The following RBM15B variants were observed in gnomAD, a reference collection of about 807,000 sequenced individuals.
The protein encoded by RBM15B is putative RNA-binding protein 15B.
Under a neutral mutation model 53.3 loss-of-function variants are expected in RBM15B, and 11 were observed. That is an observed-to-expected ratio of 0.21 (90% CI 0.13 to 0.34). The LOEUF (loss-of-function observed/expected upper bound fraction) is 0.34, where lower values mean the gene tolerates loss of function less well. Among genes scored for constraint, RBM15B ranks in the 10% least tolerant of loss-of-function variants. The pLI is 1.00. For synonymous variants in RBM15B, 631 were observed against 540.7 expected, an observed-to-expected ratio of 1.17 and a Z score of -2.32; for missense variants, 1,136 against 1,250.3, an observed-to-expected ratio of 0.91 and a Z score of 1.38.
Position 51,391,861 on chromosome 3 carries a change from C to T in RBM15B, c.462C>T (p.His154=), listed in dbSNP as rs1170983549. ...TGAGCCCCGCGCTGCCCGCCGAGCA[C>T]CTCGAGGACCGGCTCTTCCACCAGT... ...SSLSPALPAE[H]LEDRLFHQFK... is the part of the protein sequence containing the mutation. The change falls in exon 1 of 1, where the codon CAC becomes CAT. Residue 154 remains histidine, a synonymous_variant. Coordinates refer to ENST00000563281, the MANE Select transcript of RBM15B (RefSeq NM_013286.5). The surrounding 1 kb of genome is among the most constrained non-coding windows in gnomAD (Gnocchi z 4.5). 2 of 1,603,478 alleles carry T rather than the reference C, an allele frequency of 1.2e-6. No homozygotes were observed. The highest frequency in any genetic ancestry group is 1.7e-5 in the Admixed American group (1 of 59,972).
In RBM15B at chr3:51,391,855, C is replaced by G. The variant is rs201528516; in HGVS notation, c.456C>G (p.Ala152=). ...GCAGCTTGAGCCCCGCGCTGCCCGC[C>G]GAGCACCTCGAGGACCGGCTCTTCC... The part of the protein sequence containing the change: ...LISSLSPALP[A]EHLEDRLFHQ... The change falls in exon 1 of 1, where the codon GCC becomes GCG. Residue 152 remains alanine, a synonymous_variant. Transcript: ENST00000563281. This position sits in a 1 kb window ranked among gnomAD's most constrained non-coding sequence, Gnocchi z 4.5. 1.4e-4 allele frequency: 228 copies of G among 1,603,358 alleles called. No individual in the cohort carries two copies. The highest frequency in any genetic ancestry group is 9.9e-4 in the Middle Eastern group (6 of 6,056).
Position 51,397,219 on chromosome 3 carries a change from T to C in RBM15B, c.*3147T>C, listed in dbSNP as rs375227755. ...CAAAATCAAAGGAAGAAAGAGACTA[T>C]GGTCTTCTATTTATTGTGGGAAGGA... is the stretch of plus-strand genomic sequence containing the variant. On this transcript the variant is annotated 3_prime_UTR_variant, in exon 1 of 1. Transcript: ENST00000563281. The C allele has an allele frequency of 1.2e-5, 2 of 167,298 alleles. No individual in the cohort carries two copies. The highest frequency in any genetic ancestry group is 1.9e-4 in the East Asian group (1 of 5,200). The allele number at this position is 167,298 out of a possible 1,614,324, so 10.4% of individuals were successfully genotyped here. A position where few individuals can be genotyped will look rare whatever the true frequency, so the allele number is the denominator to read the frequency against.
Position 51,393,150 on chromosome 3 carries a change from G to A in RBM15B, c.1751G>A (p.Arg584His), listed in dbSNP as rs137973487. 141 of 1,614,036 alleles carry A rather than the reference G, an allele frequency of 8.7e-5. No homozygotes were observed. The highest frequency in any genetic ancestry group is 1.3e-4 in the Admixed American group (8 of 60,028). ...GAGCGTTGGGGGGCAGATGGAGACC[G>A]TGGTTTGCCCAAGCCCTGGGAAGAG... ...SGERWGADGDRGLPKPWEERR... is the reference protein window; with the variant it reads ...SGERWGADGDHGLPKPWEERR... The change falls in exon 1 of 1, where the codon CGT (arginine) becomes CAT (histidine). Residue 584 changes from arginine (R) to histidine (H), a missense_variant. Transcript: ENST00000563281. This position sits in a 1 kb window ranked among gnomAD's most constrained non-coding sequence, Gnocchi z 5.6.
In RBM15B at chr3:51,395,577, TGAG is replaced by T. The variant is rs1258093536; in HGVS notation, c.*1509_*1511del. ...TTCAAACAGGGAACACTGTCAGGGC[TGAG>T]GAGAACAGAAGCTCTGGTAAGCGAA... On this transcript the variant is annotated 3_prime_UTR_variant, in exon 1 of 1. Transcript: ENST00000563281. 4 of 394,638 alleles carry T rather than the reference TGAG, an allele frequency of 1.0e-5. No homozygotes were observed. Among genetic ancestry groups the T allele is most frequent in the Admixed American group, 4.5e-5 (1 of 22,070 alleles). The allele number at this position is 394,638 out of a possible 1,614,324, so 24.4% of individuals were successfully genotyped here.
Position 51,397,358 on chromosome 3 carries a change from C to T in RBM15B, c.*3286C>T, listed in dbSNP as rs1013999897. ...GGCCTCTGAAGTATCTTTCTACAAA[C>T]GCAGACAAGCTCCACTACCCCTAAC... On this transcript the variant is annotated 3_prime_UTR_variant, in exon 1 of 1. Transcript: ENST00000563281. 3.0e-5 allele frequency: 5 copies of T among 167,070 alleles called. No individual in the cohort carries two copies. The highest frequency in any genetic ancestry group is 6.5e-5 in the Admixed American group (1 of 15,284). The allele number at this position is 167,070 out of a possible 1,614,324, so 10.3% of individuals were successfully genotyped here.
In RBM15B at chr3:51,393,280, C is replaced by A. The variant is rs142046709; in HGVS notation, c.1881C>A (p.Gly627=). 1,349 of 1,611,508 alleles carry A rather than the reference C, an allele frequency of 8.4e-4. 9 individuals are homozygous for A. The African/African-American group carries it at 0.016, about 19-fold the overall frequency. ...GCAGTGGGCAGCAGTCAGAGCGGGG[C>A]TCCGACCGCACCCCTGAGCGCAGCC... ...TKGSGQQSER[G]SDRTPERSRK... The change falls in exon 1 of 1, where the codon GGC becomes GGA. Residue 627 remains glycine, a synonymous_variant. Coordinates refer to ENST00000563281, the MANE Select transcript of RBM15B (RefSeq NM_013286.5). The surrounding 1 kb of genome is among the most constrained non-coding windows in gnomAD (Gnocchi z 5.6).
At position 51,392,138 on chromosome 3, in the gene RBM15B, G is replaced by C. The variant is rs1354983611; in HGVS notation, c.739G>C (p.Ala247Pro). Residue 247 changes from alanine to proline, a missense_variant, in exon 1 of 1, where the codon GCC (alanine) becomes CCC (proline). Ala to Pro is a conservative substitution (Grantham distance 27, BLOSUM62 -1). Coordinates refer to ENST00000563281, the MANE Select transcript of RBM15B (RefSeq NM_013286.5). The surrounding 1 kb of genome is among the most constrained non-coding windows in gnomAD (Gnocchi z 7.5). ...STPPPGPPAP[A>P]DPLGYLPLHG... is the part of the protein sequence containing the mutation. ...GCCTCCCCCAGGGCCGCCCGCGCCC[G>C]CCGACCCGCTCGGCTACCTCCCGCT... 6.5e-7 allele frequency: 1 copy of C among 1,535,702 alleles called. No individual in the cohort carries two copies. Among genetic ancestry groups the C allele is most frequent in the Non-Finnish European group, 8.7e-7 (1 of 1,146,524 alleles).
rs1223836943 is a variant in RBM15B at position 51,394,118 on chromosome 3, T to TTA, written c.*48_*49dup. The TTA allele has an allele frequency of 7.2e-7, 1 of 1,380,272 alleles. No individual in the cohort carries two copies. The highest frequency in any genetic ancestry group is 9.4e-7 in the Non-Finnish European group (1 of 1,061,320). The allele number at this position is 1,380,272 out of a possible 1,614,324, so 85.5% of individuals were successfully genotyped here. On this transcript the variant is annotated 3_prime_UTR_variant, in exon 1 of 1. Transcript: ENST00000563281. Reference sequence around the variant, plus strand: ...CGTCATGTTTGTGTCACAAAAGCAGTTATTTTAAAATCTGATCCCCTCTCT... The same window carrying TTA: ...CGTCATGTTTGTGTCACAAAAGCAGTTATATTTTAAAATCTGATCCCCTCTCT...
Position 51,393,026 on chromosome 3 carries a change from C to T in RBM15B, c.1627C>T (p.Arg543Trp), listed in dbSNP as rs782425762. The change falls in exon 1 of 1, where the codon CGG becomes TGG. Residue 543 changes from arginine (R) to tryptophan (W), a missense_variant. By Grantham distance (101) the Arg-to-Trp change is moderately radical (BLOSUM62 -3). Transcript: ENST00000563281. This position sits in a 1 kb window ranked among gnomAD's most constrained non-coding sequence, Gnocchi z 5.6. ...PPHLLYSDRDRTFLEGDWTSP... is the reference protein window; with the variant it reads ...PPHLLYSDRDWTFLEGDWTSP... ...ACACCTTCTGTACTCAGACCGAGAC[C>T]GGACTTTTTTGGAAGGGGACTGGAC... The T allele has an allele frequency of 3.1e-6, 5 of 1,613,816 alleles. No individual in the cohort carries two copies. The highest frequency in any genetic ancestry group is 1.1e-5 in the South Asian group (1 of 91,080).
In RBM15B at chr3:51,395,613, C is replaced by G; in HGVS notation, c.*1541C>G. 4.9e-6 allele frequency: 2 copies of G among 407,866 alleles called. No homozygotes were observed. The highest frequency in any genetic ancestry group is 9.0e-6 in the Non-Finnish European group (2 of 223,202). The allele number at this position is 407,866 out of a possible 1,614,324, so 25.3% of individuals were successfully genotyped here. A position where few individuals can be genotyped will look rare whatever the true frequency, so the allele number is the denominator to read the frequency against. ...GAAGCTCTGGTAAGCGAATGAGCCC[C>G]TAGATGATAACCAGGAACTCCAGGT... On this transcript the variant is annotated 3_prime_UTR_variant, in exon 1 of 1. Coordinates refer to ENST00000563281, the MANE Select transcript of RBM15B (RefSeq NM_013286.5).
In RBM15B at chr3:51,395,658, T is replaced by C; in HGVS notation, c.*1586T>C. ...CCAGGTTCTGCTGGCCGTGGCATCC[T>C]CTCTCCAGGTCTGCTCCCTTACCGG... On this transcript the variant is annotated 3_prime_UTR_variant, in exon 1 of 1. Coordinates refer to ENST00000563281, the MANE Select transcript of RBM15B (RefSeq NM_013286.5). 1 of 410,784 alleles carries C rather than the reference T, an allele frequency of 2.4e-6. No homozygotes were observed. The highest frequency in any genetic ancestry group is 4.4e-6 in the Non-Finnish European group (1 of 225,026). The allele number at this position is 410,784 out of a possible 1,614,324, so 25.4% of individuals were successfully genotyped here.
rs781934719 is a variant in RBM15B, at chr3:51,394,039, C to T, written c.2640C>T (p.His880=). 2 of 1,481,268 alleles carry T rather than the reference C, an allele frequency of 1.4e-6. No homozygotes were observed. Among genetic ancestry groups the T allele is most frequent in the Non-Finnish European group, 9.0e-7 (1 of 1,115,284 alleles). 91.8% of individuals were successfully genotyped at this position (1,481,268 alleles called of 1,614,324 possible). A position where few individuals can be genotyped will look rare whatever the true frequency, so the allele number is the denominator to read the frequency against. Residue 880 remains histidine, a synonymous_variant, in exon 1 of 1, where the codon CAC becomes CAT. Transcript: ENST00000563281. ...CATTGGGCAAGCTAGAAGAAGAACA[C>T]ATGGTGATAGTCATCGTCAGAGACA... The part of the protein sequence containing the change: ...LRTLGKLEEE[H]MVIVIVRDTA
At position 51,392,527 on chromosome 3, in the gene RBM15B, C is replaced by T. The variant is rs782469662; in HGVS notation, c.1128C>T (p.Gly376=). The T allele has an allele frequency of 4.3e-6, 7 of 1,613,718 alleles. No homozygotes were observed. In the South Asian group the frequency reaches 5.5e-5, roughly 13 times the overall value. Residue 376 remains glycine, a synonymous_variant, in exon 1 of 1, where the codon GGC becomes GGT. Coordinates refer to ENST00000563281, the MANE Select transcript of RBM15B (RefSeq NM_013286.5). This position sits in a 1 kb window ranked among gnomAD's most constrained non-coding sequence, Gnocchi z 7.5. ...VVIKRPARGQ[G]GAYAFLKFQN... ...TCAAGAGGCCTGCCCGTGGCCAGGG[C>T]GGTGCCTATGCCTTCCTCAAGTTCC...
Position 51,395,577 on chromosome 3 carries a change from T to C in RBM15B, c.*1505T>C. ...TTCAAACAGGGAACACTGTCAGGGC[T>C]GAGGAGAACAGAAGCTCTGGTAAGC... On this transcript the variant is annotated 3_prime_UTR_variant, in exon 1 of 1. Coordinates refer to ENST00000563281, the MANE Select transcript of RBM15B (RefSeq NM_013286.5). 1 of 394,638 alleles carries C rather than the reference T, an allele frequency of 2.5e-6. No homozygotes were observed. Among genetic ancestry groups the C allele is most frequent in the Non-Finnish European group, 4.7e-6 (1 of 214,974 alleles). 24.4% of individuals were successfully genotyped at this position (394,638 alleles called of 1,614,324 possible).
chr3:51,396,532 A>T lies in RBM15B; in HGVS notation c.*2460A>T, dbSNP rs182643114. The T allele has an allele frequency of 1.2e-5, 2 of 167,196 alleles. No homozygotes were observed. Among genetic ancestry groups the T allele is most frequent in the Admixed American group, 1.3e-4 (2 of 15,300 alleles). 10.4% of individuals were successfully genotyped at this position (167,196 alleles called of 1,614,324 possible). On this transcript the variant is annotated 3_prime_UTR_variant, in exon 1 of 1. Transcript: ENST00000563281. ...CTTACTTCAGGCATCCAGTGCCCCC[A>T]CCCAGGGTTCAGGCCCTGTCTAAGG...
rs1167564763 is a variant in RBM15B at position 51,395,617 on chromosome 3, A to ATGAT, written c.*1546_*1549dup. 2 of 408,430 alleles carry ATGAT rather than the reference A, an allele frequency of 4.9e-6. No individual in the cohort carries two copies. The highest frequency in any genetic ancestry group is 2.1e-5 in the African/African-American group (1 of 48,522). The allele number at this position is 408,430 out of a possible 1,614,324, so 25.3% of individuals were successfully genotyped here. A position where few individuals can be genotyped will look rare whatever the true frequency, so the allele number is the denominator to read the frequency against. On this transcript the variant is annotated 3_prime_UTR_variant, in exon 1 of 1. Coordinates refer to ENST00000563281, the MANE Select transcript of RBM15B (RefSeq NM_013286.5). ...CTCTGGTAAGCGAATGAGCCCCTAG[A>ATGAT]TGATAACCAGGAACTCCAGGTTCTG...
In RBM15B at chr3:51,392,644, C is replaced by T. The variant is rs781792083; in HGVS notation, c.1245C>T (p.Asn415=). ...TTAAGATAGGCTATGGCAAGGCCAA[C>T]CCCACCACTCGTCTCTGGGTGGGTG... ...NPIKIGYGKA[N]PTTRLWVGGL... Residue 415 remains asparagine, a synonymous_variant, in exon 1 of 1, where the codon AAC becomes AAT. Transcript: ENST00000563281. The surrounding 1 kb of genome is among the most constrained non-coding windows in gnomAD (Gnocchi z 7.5). 2 of 1,614,032 alleles carry T rather than the reference C, an allele frequency of 1.2e-6. No individual in the cohort carries two copies. Among genetic ancestry groups the T allele is most frequent in the African/African-American group, 2.7e-5 (2 of 74,956 alleles).
At position 51,391,792 on chromosome 3, in the gene RBM15B, A is replaced by C; in HGVS notation, c.393A>C (p.Ser131=). 1 of 1,591,872 alleles carries C rather than the reference A, an allele frequency of 6.3e-7. No individual in the cohort carries two copies. The highest frequency in any genetic ancestry group is 8.5e-7 in the Non-Finnish European group (1 of 1,176,508). Residue 131 remains serine, a synonymous_variant, in exon 1 of 1, where the codon TCA becomes TCC. Coordinates refer to ENST00000563281, the MANE Select transcript of RBM15B (RefSeq NM_013286.5). The surrounding 1 kb of genome is among the most constrained non-coding windows in gnomAD (Gnocchi z 4.5). ...PPGAEPACPG[S]SAAAPEYKTL... ...GGGCCGAGCCCGCGTGTCCCGGCTCATCCGCGGCCGCGCCTGAGTACAAGA... is the reference window on the plus strand; with the variant it reads ...GGGCCGAGCCCGCGTGTCCCGGCTCCTCCGCGGCCGCGCCTGAGTACAAGA...
At position 51,395,937 on chromosome 3, in the gene RBM15B, G is replaced by GT. The variant is rs1308731807; in HGVS notation, c.*1866dup. ...CTTGAGCTGTGGTCACAGCTGCCAG[G>GT]TACCTAAGCAAGTCAGTTGGGTACA... On this transcript the variant is annotated 3_prime_UTR_variant, in exon 1 of 1. Coordinates refer to ENST00000563281, the MANE Select transcript of RBM15B (RefSeq NM_013286.5). 3 of 413,348 alleles carry GT rather than the reference G, an allele frequency of 7.3e-6. No individual in the cohort carries two copies. Among genetic ancestry groups the GT allele is most frequent in the African/African-American group, 4.1e-5 (2 of 48,624 alleles). The allele number at this position is 413,348 out of a possible 1,614,324, so 25.6% of individuals were successfully genotyped here. A position where few individuals can be genotyped will look rare whatever the true frequency, so the allele number is the denominator to read the frequency against.
Sources: allele counts gnomAD v4.1 joint callset, GRCh38; gene constraint gnomAD v4.1.1; non-coding constraint Gnocchi (gnomAD v3.1); transcripts MANE v1.5; gene names NCBI Gene and HGNC (gene_info 2026-07-23, HGNC 2026-07-21).